Variants in UNC13C observed in about 807,000 individuals in gnomAD.
UNC13C encodes the protein unc-13 homolog C.
A neutral mutation model predicts 245.4 loss-of-function variants in UNC13C; 174 were observed. The ratio of observed to expected loss-of-function variants is 0.71; its 90% CI spans 0.63 to 0.80. The LOEUF (loss-of-function observed/expected upper bound fraction) is 0.80. Among genes scored for constraint, UNC13C ranks in the 30% least tolerant of loss-of-function variants. The pLI, the probability that UNC13C is intolerant of heterozygous loss-of-function variation, is 0.00. For missense variants in UNC13C, 2,829 were observed against 2,602.9 expected (o/e 1.09, Z -1.89); for synonymous variants, 992 against 895.1 (o/e 1.11, Z -1.93).
chr15:54,003,427 G>A (rs543681834), intron 1 of UNC13C, among the ~76,000 whole-genome samples: 6 of 152,288 alleles, frequency 3.9e-5, no homozygotes, highest in African/African-American at 1.2e-4. Flanking sequence ...TGCCAAGATA[G>A]TAAACAGGCA....
At chr15:54,370,454 A>G (rs2039464401) in intron 17 of UNC13C, among the ~76,000 whole-genome samples, 1 of 152,152 alleles carries the variant, frequency 6.6e-6, no homozygotes, top group Admixed American at 6.5e-5. Context: ...GAAAACCAAG[A>G]CTTGCAATCT....
At chr15:54,212,601 C>T (rs908158969) in intron 4 of UNC13C, among the ~76,000 whole-genome samples, 2 of 152,064 alleles carry the variant, frequency 1.3e-5, no homozygotes, top group African/African-American at 4.8e-5. Flanking sequence ...CCAGCCAGCA[C>T]AACCAAATAT....
At chr15:54,016,231 G>T (rs1004379010) in intron 2 of UNC13C, among the ~76,000 whole-genome samples, 42 of 152,234 alleles carry the variant, frequency 2.8e-4, no homozygotes, top group African/African-American at 8.9e-4. Flanking sequence ...TGAAACCAAA[G>T]GTTAAGCCAA....
At chr15:54,609,039 G>C (rs1475011468) in intron 30 of UNC13C, among the ~76,000 whole-genome samples, 4 of 152,124 alleles carry the variant, frequency 2.6e-5, no homozygotes, top group African/African-American at 9.7e-5. Context: ...TGAAGTCTCT[G>C]GTATTAAATG....
Position 54,320,132 on chromosome 15 carries a change from A to G in UNC13C, c.4269-1807A>G, listed in dbSNP as rs192459177. ...TGGACTCAAGTCAGAGGTTAAATTG[A>G]CTTATTAATTCAATGTATATTGAGA... On this transcript the variant is annotated intron_variant, in intron 13 of 32. Coordinates refer to ENST00000260323, the MANE Select transcript of UNC13C (RefSeq NM_001080534.3). 4.2e-3 allele frequency among the ~76,000 whole-genome samples: 645 copies of G among 152,098 alleles called. 3 individuals carry two copies. Among genetic ancestry groups the G allele is most frequent in the Middle Eastern group, 0.017 (5 of 294 alleles).
chr15:54,465,627 G>A (rs931656835), intron 19 of UNC13C, among the ~76,000 whole-genome samples: 3 of 151,982 alleles, frequency 2.0e-5, no homozygotes, highest in Non-Finnish European at 4.4e-5. Flanking sequence ...CATTCAGGAT[G>A]GGGAGAAAAT....
chr15:53,985,330 C>A (rs924073573), intron 1 of UNC13C, among the ~76,000 whole-genome samples: 17 of 141,562 alleles, frequency 1.2e-4, no homozygotes, highest in South Asian at 1.1e-3. Flanking sequence ...GCCACATTTT[C>A]TTTTTTTTTT....
intron 8 of UNC13C, among the ~76,000 whole-genome samples, chr15:54,260,423 T>C (rs964115677): frequency 6.6e-6 from 1 of 151,872 alleles, no homozygotes; most frequent in African/African-American, 2.4e-5. Context: ...TAGGTGACTT[T>C]AGAGTAGAAA....
the UNC13C span, among the ~76,000 whole-genome samples, chr15:53,959,216 T>C: frequency 6.6e-6 from 1 of 152,192 alleles, no homozygotes; most frequent in East Asian, 1.9e-4. Flanking sequence ...GTTGATTCCA[T>C]ATTTTGGCTA....
intron 4 of UNC13C, among the ~76,000 whole-genome samples, chr15:54,232,740 T>C (rs538297451): frequency 6.3e-4 from 96 of 152,306 alleles, no homozygotes; most frequent in Middle Eastern, 3.4e-3. Flanking sequence ...ACATGATTAA[T>C]AGGTACTGTA....
At chr15:54,512,973 T>C (rs1894816996) in intron 24 of UNC13C, among the ~76,000 whole-genome samples, 1 of 152,184 alleles carries the variant, frequency 6.6e-6, no homozygotes. Context: ...TGTGTGATGA[T>C]GCAAAACTTT....
At chr15:54,423,397 T>G (rs1387108377) in intron 19 of UNC13C, among the ~76,000 whole-genome samples, 1 of 151,848 alleles carries the variant, frequency 6.6e-6, no homozygotes, top group East Asian at 1.9e-4. Flanking sequence ...TATTTCTATG[T>G]TGATAAGTTT....
intron 2 of UNC13C, among the ~76,000 whole-genome samples, chr15:54,061,407 C>G (rs180939260): frequency 1.3e-4 from 20 of 152,266 alleles, no homozygotes; most frequent in Admixed American, 9.8e-4. Context: ...AAAAGAAACA[C>G]CTCTTTGCTC....
At chr15:53,967,629 C>T in the UNC13C span, among the ~76,000 whole-genome samples, 1 of 152,162 alleles carries the variant, frequency 6.6e-6, no homozygotes, top group African/African-American at 2.4e-5. Flanking sequence ...CCTAGTTACT[C>T]TCTCTAGTTT....
intron 2 of UNC13C, among the ~76,000 whole-genome samples, chr15:54,093,604 G>A (rs1899688347): frequency 1.3e-5 from 2 of 152,162 alleles, no homozygotes; most frequent in South Asian, 4.1e-4. Flanking sequence ...ATGCACGTGG[G>A]TGCTGCAATG....
At chr15:54,086,571 T>TAAGATGAAA in intron 2 of UNC13C, among the ~76,000 whole-genome samples, 1 of 152,180 alleles carries the variant, frequency 6.6e-6, no homozygotes, top group East Asian at 1.9e-4. Context: ...CATTTGTGTT[T>TAAGATGAAA]GTTTTGTAAT....
chr15:54,127,286 C>G (rs986151637), intron 2 of UNC13C, among the ~76,000 whole-genome samples: 15 of 151,930 alleles, frequency 9.9e-5, no homozygotes, highest in Non-Finnish European at 2.9e-5. Context: ...TTCATGATAC[C>G]AAAGACTTGG....
chr15:54,059,470 C>A (rs1275477484), intron 2 of UNC13C, among the ~76,000 whole-genome samples: 2 of 152,072 alleles, frequency 1.3e-5, no homozygotes, highest in African/African-American at 2.4e-5. Flanking sequence ...AAAGAGGATA[C>A]AAACAAATGG....
At position 54,623,968 on chromosome 15, in the gene UNC13C, C is replaced by T. The variant is rs1300769627; in HGVS notation, c.6359+14C>T. ...AACATTTCAGTTGTAAGTCATAAAC[C>T]CACCTTACTTATTCTACCAGGCAAT... On this transcript the variant is annotated intron_variant, in intron 32 of 32. Transcript: ENST00000260323. 6.2e-7 allele frequency: 1 copy of T among 1,612,508 alleles called. No homozygotes were observed. The highest frequency in any genetic ancestry group is 2.2e-5 in the East Asian group (1 of 44,840).
Sources: gnomAD v4.1 joint callset for allele counts (sites outside exome capture counted in the v4.1 genomes callset) on GRCh38, gnomAD v4.1.1 for gene constraint, MANE v1.5 for transcripts, NCBI Gene and HGNC (gene_info 2026-07-23, HGNC 2026-07-21) for gene names.